The following PHIP variants were observed in gnomAD, a reference collection of about 807,000 sequenced individuals.
PHIP encodes PHIP subunit of CUL4-Ring ligase complex, also known as PH-interacting protein.
Under a neutral mutation model 236.8 loss-of-function variants are expected in PHIP, and 54 were observed. The ratio of observed to expected loss-of-function variants is 0.23; its 90% confidence interval spans 0.18 to 0.29. The LOEUF (loss-of-function observed/expected upper bound fraction) is 0.29, where lower values mean the gene tolerates loss of function less well. Ranked by LOEUF, PHIP falls within the 10% of genes least tolerant of loss-of-function variation. The pLI, the probability that PHIP is intolerant of heterozygous loss-of-function variation, is 1.00. For missense variants in PHIP, 1,370 were observed against 2,190.8 expected, an observed-to-expected ratio of 0.63 and a Z score of 7.48; for synonymous variants, 756 against 718.9, an observed-to-expected ratio of 1.05 and a Z score of -0.83.
In PHIP at chr6:78,971,002, T is replaced by A. The variant is rs1481050518; in HGVS notation, c.2890-114A>T. On this transcript the variant is annotated intron_variant, in intron 24 of 39. Coordinates refer to ENST00000275034, the MANE Select transcript of PHIP (RefSeq NM_017934.7). The stretch of plus-strand genomic sequence containing the variant: ...CTAATGCCTTTTCAGCTAATAGAAA[T>A]TCTAATATTTTCTCCCTCCTCCTTT... 6.1e-6 allele frequency: 4 copies of A among 660,490 alleles called. No individual in the cohort carries two copies. The African/African-American group carries it at 7.5e-5, about 12-fold the overall frequency. 40.9% of individuals were successfully genotyped at this position (660,490 alleles called of 1,614,324 possible). A position where few individuals can be genotyped will look rare whatever the true frequency, so the allele number is the denominator to read the frequency against.
intron 7 of PHIP, among the ~76,000 whole-genome samples, chr6:79,032,702 C>T (rs1245842833): frequency 6.6e-6 from 1 of 151,748 alleles, no homozygotes; most frequent in Non-Finnish European, 1.5e-5. Context: ...GGGATGCAAT[C>T]AACTTCTTCC....
rs764221293 is a variant in PHIP, at chr6:78,941,169, T to G, written c.4990A>C (p.Lys1664Gln). Residue 1664 changes from lysine to glutamine, a missense_variant, in exon 40 of 40, where the codon AAA (lysine) becomes CAA (glutamine). By Grantham distance (53) the Lys-to-Gln change is moderately conservative. This residue lies in a region of PHIP where 309 missense variants were observed against 328.3 expected (regional missense o/e 0.94). Coordinates refer to ENST00000275034, the MANE Select transcript of PHIP (RefSeq NM_017934.7). Reference sequence around the variant, plus strand: ...TCTGGCTTTGCATACTGTAGCTTTTTGGGCTTTCTACCCCTTTTCTTGTGT... The same window carrying G: ...TCTGGCTTTGCATACTGTAGCTTTTGGGGCTTTCTACCCCTTTTCTTGTGT... ...IIHKKRGRKP[K>Q]KLQYAKPEDL... 1.2e-6 allele frequency: 2 copies of G among 1,614,140 alleles called. No individual in the cohort carries two copies. Among genetic ancestry groups the G allele is most frequent in the East Asian group, 4.5e-5 (2 of 44,870 alleles).
chr6:79,059,786 G>T (rs1432084217), intron 6 of PHIP, among the ~76,000 whole-genome samples: 4 of 151,466 alleles, frequency 2.6e-5, no homozygotes, highest in Non-Finnish European at 5.9e-5. Context: ...AACTTTGAAG[G>T]TCTCTGAAAA....
In PHIP at chr6:79,003,725, T is replaced by A; in HGVS notation, c.1653+5A>T. On this transcript the variant is annotated splice_donor_5th_base_variant and intron_variant, in intron 16 of 39. Transcript: ENST00000275034. ...AGGACATGATATATAGTCATCATAC[T>A]CTACCTTGTCATATTTGCTACTGGA... The A allele has an allele frequency of 6.3e-7, 1 of 1,596,550 alleles. No individual in the cohort carries two copies. The highest frequency in any genetic ancestry group is 8.5e-7 in the Non-Finnish European group (1 of 1,172,966).
intron 15 of PHIP, 36 bp from the exon 16 acceptor site, chr6:79,003,894 A>C (rs1332479424): frequency 6.9e-7 from 1 of 1,452,980 alleles, no homozygotes; most frequent in African/African-American, 1.4e-5. Flanking sequence ...GAAAACTACC[A>C]TTAAAATGAA....
rs533459977 is a variant in PHIP at position 78,966,265 on chromosome 6, GT to G, written c.3206-210del. Among the ~76,000 whole-genome samples, 13 of 152,234 alleles carry G rather than the reference GT, an allele frequency of 8.5e-5. No homozygotes were observed. The East Asian group carries it at 2.5e-3, about 29-fold the overall frequency. ...AGCATACTTGAAGTGTGACTTAACA[GT>G]TTTCAATTCTATTTTTTATATTTCA... On this transcript the variant is annotated intron_variant, in intron 27 of 39. Coordinates refer to ENST00000275034, the MANE Select transcript of PHIP (RefSeq NM_017934.7).
Position 78,992,847 on chromosome 6 carries a change from C to T in PHIP, c.2202-1862G>A, listed in dbSNP as rs566732553. On this transcript the variant is annotated intron_variant, in intron 19 of 39. Transcript: ENST00000275034. ...AAGTTAGGCCAATTAAAAACCCTAA[C>T]TGATCCAGTGAAAACATCTCTCACT... Among the ~76,000 whole-genome samples the T allele has an allele frequency of 5.9e-5, 9 of 152,302 alleles. No homozygotes were observed. In the South Asian group the frequency reaches 1.9e-3, roughly 32 times the overall value.
chr6:78,954,714 A>G (rs1301653942), intron 35 of PHIP, 100 bp downstream of exon 35: 1 of 735,176 alleles, frequency 1.4e-6, no homozygotes, highest in Admixed American at 3.5e-5. Flanking sequence ...ATAATAAAGA[A>G]ATAAACTATA....
In PHIP at chr6:79,077,845, G is replaced by T; in HGVS notation, c.99+10C>A. The T allele has an allele frequency of 6.9e-7, 1 of 1,451,194 alleles. No homozygotes were observed. The highest frequency in any genetic ancestry group is 9.1e-7 in the Non-Finnish European group (1 of 1,097,532). 89.9% of individuals were successfully genotyped at this position (1,451,194 alleles called of 1,614,324 possible). A position where few individuals can be genotyped will look rare whatever the true frequency, so the allele number is the denominator to read the frequency against. On this transcript the variant is annotated intron_variant, in intron 2 of 39. Coordinates refer to ENST00000275034, the MANE Select transcript of PHIP (RefSeq NM_017934.7). ...AGCGCCGGCCCGGCCCGCGCCGCGCGCCGCCGTACCTGAGCCGCCTGCTGA... is the reference window on the plus strand; with the variant it reads ...AGCGCCGGCCCGGCCCGCGCCGCGCTCCGCCGTACCTGAGCCGCCTGCTGA...
At chr6:79,029,676 T>G (rs1239297786) in intron 7 of PHIP, among the ~76,000 whole-genome samples, 2 of 152,018 alleles carry the variant, frequency 1.3e-5, no homozygotes, top group Non-Finnish European at 2.9e-5. Context: ...ATTACAGATG[T>G]GCACCACTAC....
At chr6:79,039,270 G>A (rs1772092549) in intron 7 of PHIP, among the ~76,000 whole-genome samples, 1 of 152,060 alleles carries the variant, frequency 6.6e-6, no homozygotes, top group Non-Finnish European at 1.5e-5. Context: ...TCTTTATGAT[G>A]AGCCATATTT....
At chr6:79,038,443 A>C (rs775528906) in intron 7 of PHIP, among the ~76,000 whole-genome samples, 1 of 152,214 alleles carries the variant, frequency 6.6e-6, no homozygotes, top group East Asian at 1.9e-4. Flanking sequence ...GGGATTAATT[A>C]GGTTTCAACA....
chr6:78,961,605 G>A (rs1766785306), intron 31 of PHIP, 85 bp downstream of exon 31: 3 of 1,388,840 alleles, frequency 2.2e-6, no homozygotes, highest in Non-Finnish European at 3.0e-6. Flanking sequence ...TATACAAAAA[G>A]TTGAGAAACA....
At chr6:78,962,308 G>A (rs781288295) in intron 30 of PHIP, among the ~76,000 whole-genome samples, 6 of 152,092 alleles carry the variant, frequency 3.9e-5, no homozygotes, top group Admixed American at 6.6e-5. Context: ...AATACACACC[G>A]TAAAGTTGTA....
chr6:79,061,014 A>G (rs1243067026), intron 4 of PHIP, among the ~76,000 whole-genome samples, 196 bp from the exon 5 acceptor site: 1 of 152,250 alleles, frequency 6.6e-6, no homozygotes, highest in African/African-American at 2.4e-5. Context: ...CTTAACATCT[A>G]TGCTGAATTT....
Position 79,078,041 on chromosome 6 carries a change from C to G in PHIP, c.28G>C (p.Glu10Gln). The change falls in exon 1 of 40, where the codon GAG becomes CAG. Residue 10 changes from glutamate (E) to glutamine (Q), a missense_variant. Around this residue, in one of 14 missense-constraint regions of PHIP, gnomAD observed 43 missense variants for 53.8 expected, o/e 0.80. Coordinates refer to ENST00000275034, the MANE Select transcript of PHIP (RefSeq NM_017934.7). Reference protein sequence around the residue: MSCERKGLSELRSELYFLIA... With the variant: MSCERKGLSQLRSELYFLIA... ...CCCCCCGACTTACCCGATCGCAGCT[C>G]CGAGAGGCCTTTCCTCTCACAAGAC... The G allele has an allele frequency of 6.2e-7, 1 of 1,609,388 alleles. No individual in the cohort carries two copies. The highest frequency in any genetic ancestry group is 8.5e-7 in the Non-Finnish European group (1 of 1,179,442).
chr6:78,978,388 TA>T (rs144984204), intron 24 of PHIP, among the ~76,000 whole-genome samples: 1 of 152,222 alleles, frequency 6.6e-6, no homozygotes, highest in East Asian at 1.9e-4. Flanking sequence ...TTTTCATTCT[TA>T]TAATATTCAG....
chr6:78,941,429 G>T, intron 39 of PHIP, 99 bp from the exon 40 acceptor site: 1 of 661,420 alleles, frequency 1.5e-6, no homozygotes, highest in South Asian at 2.6e-5. Flanking sequence ...TATATGTAAT[G>T]ACATAATCCA....
rs149964661 is a variant in PHIP at position 78,998,958 on chromosome 6, ACAATAAC to A, written c.1880-574_1880-568del. Among the ~76,000 whole-genome samples the A allele has an allele frequency of 8.8e-3, 1,334 of 152,288 alleles. 20 individuals carry two copies. Among genetic ancestry groups the A allele is most frequent in the African/African-American group, 0.029 (1,207 of 41,558 alleles). On this transcript the variant is annotated intron_variant, in intron 17 of 39. Transcript: ENST00000275034. ...GCTGACATACTGATGGGGAAAGTAA[ACAATAAC>A]CCAGGAGTTAATACAGAGTATGAAA...
Sources: gnomAD v4.1 joint callset for allele counts (sites outside exome capture counted in the v4.1 genomes callset) on GRCh38, gnomAD v4.1.1 for gene constraint, gnomAD v4.1.1 regional missense constraint, MANE v1.5 for transcripts, NCBI Gene and HGNC (gene_info 2026-07-23, HGNC 2026-07-21) for gene names.